The following CELF2 variants were observed in gnomAD, a reference collection of about 807,000 sequenced individuals.
CELF2 encodes the protein CUG triplet repeat RNA-binding protein 2.
In CELF2, 8 loss-of-function variants were observed where a neutral mutation model predicts 62.6. The ratio of observed to expected loss-of-function variants is 0.13; its 90% confidence interval spans 0.07 to 0.23. CELF2 has a LOEUF of 0.23. Ranked by LOEUF, CELF2 falls within the 10% of genes least tolerant of loss-of-function variation. The pLI is 1.00. For missense variants in CELF2, 333 were observed against 671.0 expected (o/e 0.50, Z 5.56); for synonymous variants, 258 against 250.0 (o/e 1.03, Z -0.30).
the CELF2 span, among the ~76,000 whole-genome samples, chr10:10,608,615 T>C: frequency 1.3e-5 from 2 of 152,034 alleles, no homozygotes; most frequent in Non-Finnish European, 2.9e-5. Context: ...GACAAAGATA[T>C]GGATGAAATG....
intron 1 of CELF2, among the ~76,000 whole-genome samples, chr10:11,082,781 C>T (rs1303838114): frequency 2.0e-5 from 3 of 152,180 alleles, no homozygotes; most frequent in Non-Finnish European, 4.4e-5. Flanking sequence ...GGCCTGCTTG[C>T]TTCATCCATG....
At chr10:10,800,141 A>T (rs1008483859) in intron 1 of CELF2, among the ~76,000 whole-genome samples, 5 of 152,252 alleles carry the variant, frequency 3.3e-5, no homozygotes, top group African/African-American at 1.2e-4. Flanking sequence ...GAGCAAATTT[A>T]AAAATTGCCA....
At chr10:10,578,263 C>A in the CELF2 span, among the ~76,000 whole-genome samples, 1 of 151,960 alleles carries the variant, frequency 6.6e-6, no homozygotes, top group Non-Finnish European at 1.5e-5. Context: ...AGATATTAGC[C>A]CTTTGTCAGA....
chr10:11,280,766 G>A lies in CELF2; in HGVS notation c.841+5646G>A, dbSNP rs978910370. ...AGAGGCCGCTCTGGGTGGGGGAAAC[G>A]GTGCCCTCACTGCCCTCCAGCCTCA... On this transcript the variant is annotated intron_variant, in intron 8 of 12. Coordinates refer to ENST00000633077, the MANE Select transcript of CELF2 (RefSeq NM_001326342.2). This position sits in a 1 kb window ranked among gnomAD's most constrained non-coding sequence, Gnocchi z 7.6. 3.3e-5 allele frequency among the ~76,000 whole-genome samples: 5 copies of A among 152,232 alleles called. No homozygotes were observed. The highest frequency in any genetic ancestry group is 3.3e-4 in the Admixed American group (5 of 15,302).
chr10:10,898,209 A>T (rs1367192070), intron 1 of CELF2, among the ~76,000 whole-genome samples: 1 of 152,224 alleles, frequency 6.6e-6, no homozygotes, highest in Non-Finnish European at 1.5e-5. Context: ...AGGTCCACAG[A>T]CGGACAAGAA....
At chr10:11,194,736 TAGC>T (rs1377225288) in intron 2 of CELF2, among the ~76,000 whole-genome samples, 8 of 152,378 alleles carry the variant, frequency 5.3e-5, no homozygotes, top group South Asian at 2.1e-4. Flanking sequence ...TTGAGTTAGA[TAGC>T]AGTTTCTGAA....
chr10:10,463,598 A>G, the CELF2 span, among the ~76,000 whole-genome samples: 2 of 152,278 alleles, frequency 1.3e-5, no homozygotes, highest in East Asian at 1.9e-4. Flanking sequence ...CTTTTTTTGT[A>G]CACTAAACAT....
chr10:10,984,195 G>A (rs1406023615), intron 2 of CELF2, among the ~76,000 whole-genome samples: 1 of 152,156 alleles, frequency 6.6e-6, no homozygotes, highest in African/African-American at 2.4e-5. Context: ...ACTTACTGAA[G>A]GACACACAGA....
the CELF2 span, among the ~76,000 whole-genome samples, chr10:10,678,373 GC>G: frequency 6.6e-6 from 1 of 152,126 alleles, no homozygotes; most frequent in Non-Finnish European, 1.5e-5. Flanking sequence ...ACTGGTGACT[GC>G]TAAAGTTCAA....
At chr10:10,791,565 AT>A in the CELF2 span, among the ~76,000 whole-genome samples, 112 of 152,112 alleles carry the variant, frequency 7.4e-4, no homozygotes, top group Non-Finnish European at 1.0e-3. Flanking sequence ...AGTTTAGTGT[AT>A]TTTTTTCTTT....
At chr10:10,483,121 C>T in the CELF2 span, among the ~76,000 whole-genome samples, 2 of 151,170 alleles carry the variant, frequency 1.3e-5, no homozygotes, top group African/African-American at 2.4e-5. Context: ...TTTGCTTCTC[C>T]GTGTTGCTTC....
Position 11,246,565 on chromosome 10 carries a change from G to A in CELF2, c.355-2588G>A, listed in dbSNP as rs1435561880. Among the ~76,000 whole-genome samples, 1 of 152,114 alleles carries A rather than the reference G, an allele frequency of 6.6e-6. No homozygotes were observed. Among genetic ancestry groups the A allele is most frequent in the Non-Finnish European group, 1.5e-5 (1 of 68,026 alleles). ...TCCCGTGAAGAATTTTTTATTGCCA[G>A]ATCCAAATTCTTTGGCCTCTCACAG... On this transcript the variant is annotated intron_variant, in intron 3 of 12. Transcript: ENST00000633077. This position sits in a 1 kb window ranked among gnomAD's most constrained non-coding sequence, Gnocchi z 4.6.
chr10:10,534,877 G>A, the CELF2 span, among the ~76,000 whole-genome samples: 2 of 152,316 alleles, frequency 1.3e-5, no homozygotes, highest in East Asian at 3.9e-4. Context: ...AATACTTGAA[G>A]AGACCTTTAA....
At chr10:10,978,433 C>T (rs908337690) in intron 2 of CELF2, among the ~76,000 whole-genome samples, 2 of 152,078 alleles carry the variant, frequency 1.3e-5, no homozygotes, top group African/African-American at 2.4e-5. Flanking sequence ...CTTTTATTGA[C>T]GTCTTTGATT....
chr10:10,684,973 G>T, the CELF2 span, among the ~76,000 whole-genome samples: 1 of 152,056 alleles, frequency 6.6e-6, no homozygotes, highest in African/African-American at 2.4e-5. Context: ...GATTCTCTTT[G>T]GTTAGAGCAA....
the CELF2 span, among the ~76,000 whole-genome samples, chr10:10,471,685 TC>T: frequency 6.6e-6 from 1 of 151,924 alleles, no homozygotes; most frequent in Non-Finnish European, 1.5e-5. Flanking sequence ...CTTTAAACAA[TC>T]ATTTCTCTTT....
At position 11,267,235 on chromosome 10, in the gene CELF2, C is replaced by G. The variant is rs2082402869; in HGVS notation, c.618+558C>G. On this transcript the variant is annotated intron_variant, in intron 6 of 12. Transcript: ENST00000633077. The surrounding 1 kb of genome is among the most constrained non-coding windows in gnomAD (Gnocchi z 4.4). ...TGCAAATTTGGAAAATAGGATTTGTCTCCTTCCTTAAAAAGATGAGCAATA... is the reference window on the plus strand; with the variant it reads ...TGCAAATTTGGAAAATAGGATTTGTGTCCTTCCTTAAAAAGATGAGCAATA... 6.6e-6 allele frequency among the ~76,000 whole-genome samples: 1 copy of G among 152,214 alleles called. No homozygotes were observed.
At chr10:11,256,725 C>G (rs557246007) in intron 4 of CELF2, among the ~76,000 whole-genome samples, 1 of 149,782 alleles carries the variant, frequency 6.7e-6, no homozygotes, top group East Asian at 2.0e-4. Context: ...GTCCTGAGAT[C>G]AGTTTTAACC....
intron 1 of CELF2, among the ~76,000 whole-genome samples, chr10:10,820,193 T>G (rs528619964): frequency 6.6e-6 from 1 of 152,350 alleles, no homozygotes; most frequent in African/African-American, 2.4e-5. Context: ...TGTGGAACTC[T>G]AAGTCCAATT....
Sources: gnomAD v4.1 joint callset for allele counts (sites outside exome capture counted in the v4.1 genomes callset) on GRCh38, gnomAD v4.1.1 for gene constraint, Gnocchi (gnomAD v3.1) non-coding constraint, MANE v1.5 for transcripts, NCBI Gene and HGNC (gene_info 2026-07-23, HGNC 2026-07-21) for gene names.